EML6: variants seen among roughly 807,000 people sequenced by gnomAD.
The protein encoded by EML6 is echinoderm microtubule-associated protein-like 6.
EML6 carries 154 observed loss-of-function variants against 240.1 expected under a neutral mutation model. The ratio of observed to expected loss-of-function variants is 0.64; its 90% CI spans 0.56 to 0.73. The LOEUF (loss-of-function observed/expected upper bound fraction) is 0.73, where lower values mean the gene tolerates loss of function less well. EML6 is among the 30% of genes least tolerant of loss of function. The pLI is 0.00. For missense variants in EML6, 2,964 were observed against 2,474.6 expected, an observed-to-expected ratio of 1.20 and a Z score of -4.20; for synonymous variants, 1,148 against 899.0, an observed-to-expected ratio of 1.28 and a Z score of -4.95.
chr2:54,731,566 G>A (rs1683167905), intron 2 of EML6, among the ~76,000 whole-genome samples: 1 of 152,012 alleles, frequency 6.6e-6, no homozygotes, highest in Admixed American at 6.6e-5. Context: ...GCAATGTGCT[G>A]TGATCACACC....
chr2:54,726,257 G>A (rs1486300087), intron 2 of EML6, among the ~76,000 whole-genome samples: 2 of 152,186 alleles, frequency 1.3e-5, no homozygotes, highest in Admixed American at 6.5e-5. Flanking sequence ...CCAAACTTGT[G>A]TGTTTCATTG....
intron 11 of EML6, among the ~76,000 whole-genome samples, chr2:54,854,297 T>G (rs1347256465): frequency 6.6e-6 from 1 of 152,232 alleles, no homozygotes; most frequent in Non-Finnish European, 1.5e-5. Flanking sequence ...TATGGACCTC[T>G]CGTCATAGCA....
intron 15 of EML6, among the ~76,000 whole-genome samples, chr2:54,870,295 G>T (rs1003252532): frequency 1.3e-5 from 2 of 149,754 alleles, no homozygotes; most frequent in African/African-American, 4.9e-5. Context: ...AGTTGTATTT[G>T]GGGGAAAAAG....
At chr2:54,825,084 C>G (rs1164249399) in intron 5 of EML6, among the ~76,000 whole-genome samples, 23 of 152,136 alleles carry the variant, frequency 1.5e-4, no homozygotes, top group Non-Finnish European at 8.8e-5. Flanking sequence ...TTATGTAGAT[C>G]AAGTCTGAAG....
At chr2:54,941,941 A>G (rs901789368) in intron 28 of EML6, among the ~76,000 whole-genome samples, 10 of 152,252 alleles carry the variant, frequency 6.6e-5, no homozygotes, top group Non-Finnish European at 1.2e-4. Flanking sequence ...TATAATATCT[A>G]TTAAACCCAG....
intron 2 of EML6, among the ~76,000 whole-genome samples, chr2:54,809,579 G>C (rs1558568041): frequency 6.6e-6 from 1 of 152,108 alleles, no homozygotes; most frequent in Non-Finnish European, 1.5e-5. Context: ...GCAATTGTGA[G>C]GTAGGTAGAA....
intron 28 of EML6, among the ~76,000 whole-genome samples, chr2:54,939,918 C>A (rs1264895039): frequency 6.6e-6 from 1 of 152,230 alleles, no homozygotes; most frequent in African/African-American, 2.4e-5. Context: ...CCGGCACAAG[C>A]AAACACGAGG....
chr2:54,886,307 A>T (rs920845506), intron 17 of EML6, among the ~76,000 whole-genome samples: 5 of 151,676 alleles, frequency 3.3e-5, no homozygotes, highest in Non-Finnish European at 7.4e-5. Flanking sequence ...CTGGGATTAC[A>T]GGTGCCTGCC....
At chr2:54,846,649 A>G (rs1220621480) in intron 8 of EML6, among the ~76,000 whole-genome samples, 1 of 151,918 alleles carries the variant, frequency 6.6e-6, no homozygotes, top group Non-Finnish European at 1.5e-5. Context: ...ACACCCAGCT[A>G]TTTTTAAAAT....
In EML6 at chr2:54,869,204, A is replaced by ACAAT. The variant is rs1416872630; in HGVS notation, c.2077_2080dup (p.Leu694GlnfsTer22). The ACAAT allele has an allele frequency of 6.4e-7, 1 of 1,550,946 alleles. No homozygotes were observed. Among genetic ancestry groups the ACAAT allele is most frequent in the African/African-American group, 1.4e-5 (1 of 72,998 alleles). On this transcript the variant is annotated frameshift_variant, in exon 15 of 42. Transcript: ENST00000356458. LOFTEE classifies it high-confidence loss of function. ...AGTTATAGAGGCTACGACTGTAGAA[A>ACAAT]CAATCTGTTCTACACACAAGCTGGA...
At chr2:54,968,803 G>T (rs1026211866) in intron 41 of EML6, 35 bp downstream of exon 41, 10 of 1,198,234 alleles carry the variant, frequency 8.3e-6, no homozygotes, top group Non-Finnish European at 1.2e-5. Context: ...TTACTCCACA[G>T]GCCTGGCCAG....
intron 12 of EML6, among the ~76,000 whole-genome samples, chr2:54,861,387 A>T (rs915712482): frequency 3.3e-5 from 5 of 152,182 alleles, no homozygotes; most frequent in African/African-American, 1.2e-4. Flanking sequence ...GGCCCACTTC[A>T]GGAGTTATCT....
At chr2:54,813,713 A>G (rs1051628661) in intron 3 of EML6, among the ~76,000 whole-genome samples, 1 of 152,200 alleles carries the variant, frequency 6.6e-6, no homozygotes, top group Non-Finnish European at 1.5e-5. Context: ...TATTTGGAGT[A>G]AGGGCTAGAC....
At position 54,724,871 on chromosome 2, in the gene EML6, G is replaced by A. The variant is rs1047263763; in HGVS notation, c.-191G>A. ...GGGGTCTGGCGGCCGCACACCGGCG[G>A]CGGCGGCTTGTCTGCGGCGGCTGCA... On this transcript the variant is annotated 5_prime_UTR_variant, in exon 2 of 42. Coordinates refer to ENST00000356458, the MANE Select transcript of EML6 (RefSeq NM_001039753.4). The surrounding 1 kb of genome is among the most constrained non-coding windows in gnomAD (Gnocchi z 5.2). The A allele has an allele frequency of 2.3e-5, 6 of 265,016 alleles. No homozygotes were observed. The Admixed American group carries it at 3.0e-4, about 13-fold the overall frequency. The allele number at this position is 265,016 out of a possible 1,614,324, so 16.4% of individuals were successfully genotyped here. A position where few individuals can be genotyped will look rare whatever the true frequency, so the allele number is the denominator to read the frequency against.
At chr2:54,800,232 A>G (rs955946703) in intron 2 of EML6, among the ~76,000 whole-genome samples, 7 of 152,126 alleles carry the variant, frequency 4.6e-5, no homozygotes, top group South Asian at 4.1e-4. Flanking sequence ...CATGCCATGC[A>G]ACCATTTGAT....
At chr2:54,787,376 G>A (rs1479707642) in intron 2 of EML6, among the ~76,000 whole-genome samples, 1 of 152,084 alleles carries the variant, frequency 6.6e-6, no homozygotes, top group Non-Finnish European at 1.5e-5. Flanking sequence ...TAAACCAGAG[G>A]AAGATTGAGT....
At position 54,948,944 on chromosome 2, in the gene EML6, A is replaced by C; in HGVS notation, c.4067A>C (p.Lys1356Thr). ...EKLQKNNITK[K>T]KKLVEELALD... ...CTGCAGAAGAACAATATCACCAAAA[A>C]AAAGAAACTGGTTGAGGTGAGTTAA... Residue 1356 changes from lysine (K) to threonine (T), a missense_variant, in exon 29 of 42, where the codon AAA (lysine) becomes ACA (threonine). Transcript: ENST00000356458. 1 of 1,551,144 alleles carries C rather than the reference A, an allele frequency of 6.4e-7. No homozygotes were observed. Among genetic ancestry groups the C allele is most frequent in the Non-Finnish European group, 8.7e-7 (1 of 1,146,590 alleles).
rs1307136177 is a variant in EML6 at position 54,847,644 on chromosome 2, T to A, written c.1187+21T>A. The A allele has an allele frequency of 1.2e-5, 18 of 1,550,710 alleles. No individual in the cohort carries two copies. The East Asian group carries it at 4.4e-4, about 38-fold the overall frequency. On this transcript the variant is annotated intron_variant, in intron 9 of 41. Transcript: ENST00000356458. ...GTCAGGCACGTACTGATGTTGAAAA[T>A]GGTATTTAGAAATGCTCTCGTGTTA... is the stretch of plus-strand genomic sequence containing the variant.
intron 2 of EML6, among the ~76,000 whole-genome samples, chr2:54,752,814 A>G (rs1160515341): frequency 6.6e-6 from 1 of 152,122 alleles, no homozygotes; most frequent in African/African-American, 2.4e-5. Flanking sequence ...TTTGAGACAG[A>G]GTCTTACTTT....
Sources: allele counts gnomAD v4.1 joint callset (sites outside exome capture counted in the v4.1 genomes callset), GRCh38; gene constraint gnomAD v4.1.1; non-coding constraint Gnocchi (gnomAD v3.1); transcripts MANE v1.5; gene names NCBI Gene and HGNC (gene_info 2026-07-23, HGNC 2026-07-21).